TRIO: variants seen among roughly 807,000 people sequenced by gnomAD.
TRIO encodes the protein triple functional domain protein.
A neutral mutation model predicts 351.9 loss-of-function variants in TRIO; 58 were observed. The ratio of observed to expected loss-of-function variants is 0.16; its 90% confidence interval spans 0.13 to 0.21. The LOEUF (loss-of-function observed/expected upper bound fraction) is 0.21, where lower values mean the gene tolerates loss of function less well. TRIO is among the 10% of genes least tolerant of loss of function. The pLI is 1.00. For missense variants in TRIO, 3,201 were observed against 4,027.8 expected, an observed-to-expected ratio of 0.79 and a Z score of 5.56; for synonymous variants, 1,758 against 1,595.7, an observed-to-expected ratio of 1.10 and a Z score of -2.42.
At chr5:14,375,157 A>G (rs1029289797) in intron 19 of TRIO, among the ~76,000 whole-genome samples, 1 of 152,228 alleles carries the variant, frequency 6.6e-6, no homozygotes, top group African/African-American at 2.4e-5. Flanking sequence ...ATAATTCTCT[A>G]AGTTCTTTCA....
chr5:14,286,979 C>T lies in TRIO; in HGVS notation c.456C>T (p.Cys152=), dbSNP rs762736163. The T allele has an allele frequency of 1.9e-6, 3 of 1,614,226 alleles. No individual in the cohort carries two copies. Among genetic ancestry groups the T allele is most frequent in the South Asian group, 1.1e-5 (1 of 91,078 alleles). ...LKILQESFPC[C]IHVALIIKPD... is the part of the protein sequence containing the mutation. ...TCCTGCAGGAGTCCTTCCCCTGCTG[C>T]ATCCATGTGGCCCTGATCATCAAGC... The change falls in exon 4 of 57, where the codon TGC becomes TGT. Residue 152 remains cysteine, a synonymous_variant. Coordinates refer to ENST00000344204, the MANE Select transcript of TRIO (RefSeq NM_007118.4). This position sits in a 1 kb window ranked among gnomAD's most constrained non-coding sequence, Gnocchi z 4.4.
intron 1 of TRIO, among the ~76,000 whole-genome samples, chr5:14,149,128 C>G (rs188001269): frequency 6.6e-6 from 1 of 152,132 alleles, no homozygotes; most frequent in African/African-American, 2.4e-5. Flanking sequence ...CAGAGGCTTG[C>G]GGGGCCCTGC....
At chr5:14,420,687 T>G (rs1163760399) in intron 34 of TRIO, 1 of 152,900 alleles carries the variant, frequency 6.5e-6, no homozygotes, top group African/African-American at 2.4e-5. Flanking sequence ...TTTAGAGATC[T>G]GAGCCATGCT....
chr5:14,179,617 T>A (rs554229755), intron 1 of TRIO, among the ~76,000 whole-genome samples: 21 of 152,072 alleles, frequency 1.4e-4, no homozygotes, highest in African/African-American at 2.7e-4. Context: ...TTTGATTTTT[T>A]TTTTTTCTTT....
At chr5:14,348,306 A>G (rs954406130) in intron 11 of TRIO, among the ~76,000 whole-genome samples, 1 of 152,260 alleles carries the variant, frequency 6.6e-6, no homozygotes. Context: ...AACAGATTAC[A>G]CTGGTTATTT....
chr5:14,162,195 A>T (rs1561150345), intron 1 of TRIO, among the ~76,000 whole-genome samples: 1 of 152,184 alleles, frequency 6.6e-6, no homozygotes, highest in South Asian at 2.1e-4. Flanking sequence ...CAGTCCCTTT[A>T]TGATGAGGAT....
At chr5:14,247,025 T>C (rs1441202815) in intron 1 of TRIO, among the ~76,000 whole-genome samples, 1 of 152,202 alleles carries the variant, frequency 6.6e-6, no homozygotes, top group African/African-American at 2.4e-5. Flanking sequence ...ATGTGTGTCC[T>C]CCCAAACTAC....
At chr5:14,477,067 A>G (rs571864325) in intron 41 of TRIO, 104 bp downstream of exon 41, 6 of 963,820 alleles carry the variant, frequency 6.2e-6, no homozygotes, top group South Asian at 3.3e-5. Context: ...GTAAGTGCGT[A>G]TGTTTAAGAT....
intron 33 of TRIO, among the ~76,000 whole-genome samples, chr5:14,409,115 T>C (rs1020382637): frequency 6.6e-6 from 1 of 152,042 alleles, no homozygotes; most frequent in Non-Finnish European, 1.5e-5. Flanking sequence ...ATCTCCTGCG[T>C]GTGGAGAATT....
intron 48 of TRIO, chr5:14,489,287 A>G (rs886880088): frequency 6.9e-6 from 3 of 434,868 alleles, no homozygotes; most frequent in Admixed American, 3.7e-5. Context: ...TTAAACTTTA[A>G]TTGGGGAAGA....
intron 1 of TRIO, among the ~76,000 whole-genome samples, chr5:14,247,280 A>G (rs1794494884): frequency 1.3e-5 from 2 of 152,248 alleles, no homozygotes; most frequent in Admixed American, 6.5e-5. Context: ...GGATGCTGTA[A>G]TCCATTGTTG....
intron 28 of TRIO, among the ~76,000 whole-genome samples, 189 bp downstream of exon 28, chr5:14,394,319 T>C (rs1287214446): frequency 2.0e-5 from 3 of 152,210 alleles, no homozygotes; most frequent in African/African-American, 7.2e-5. Context: ...GTGTGTGTCA[T>C]GATTATGCGT....
Position 14,461,226 on chromosome 5 carries a change from G to A in TRIO, c.5411G>A (p.Arg1804His). The stretch of plus-strand genomic sequence containing the variant: ...CTGGCGCACAAGCACAAGAAGAGCC[G>A]CGAGGTCCGCAAGAGCGCCGACGCC... ...KKLAHKHKKS[R>H]EVRKSADAGS... Residue 1804 changes from arginine (R) to histidine (H), a missense_variant, in exon 35 of 57, where the codon CGC (arginine) becomes CAC (histidine). Arg to His is a conservative substitution (Grantham distance 29, BLOSUM62 0). This residue lies in a region of TRIO where 193 missense variants were observed against 218.8 expected (regional missense o/e 0.88). Coordinates refer to ENST00000344204, the MANE Select transcript of TRIO (RefSeq NM_007118.4). The A allele has an allele frequency of 6.3e-7, 1 of 1,579,588 alleles. No homozygotes were observed.
chr5:14,203,734 C>T (rs1791283406), intron 1 of TRIO, among the ~76,000 whole-genome samples: 1 of 152,148 alleles, frequency 6.6e-6, no homozygotes, highest in African/African-American at 2.4e-5. Context: ...TACAAGGGGG[C>T]CTCGCTCCCC....
At chr5:14,181,714 G>A (rs1238559373) in intron 1 of TRIO, among the ~76,000 whole-genome samples, 1 of 152,196 alleles carries the variant, frequency 6.6e-6, no homozygotes, top group Non-Finnish European at 1.5e-5. Context: ...AGAGACCAAT[G>A]TCAGGGGTCT....
chr5:14,341,551 A>G (rs571058799), intron 11 of TRIO, among the ~76,000 whole-genome samples: 1 of 152,354 alleles, frequency 6.6e-6, no homozygotes, highest in South Asian at 2.1e-4. Context: ...TATTTCTAGC[A>G]TATTATTCTG....
intron 1 of TRIO, among the ~76,000 whole-genome samples, chr5:14,214,613 A>G (rs1792113118): frequency 6.6e-6 from 1 of 152,244 alleles, no homozygotes; most frequent in Non-Finnish European, 1.5e-5. Context: ...CAAAGTTTGA[A>G]AGAACATAGC....
chr5:14,184,635 A>C (rs1789995153), intron 1 of TRIO, among the ~76,000 whole-genome samples: 1 of 152,238 alleles, frequency 6.6e-6, no homozygotes, highest in African/African-American at 2.4e-5. Context: ...GAAAGAGCGC[A>C]TCTCAGCATC....
chr5:14,507,450 C>A (rs1406715567), intron 56 of TRIO, among the ~76,000 whole-genome samples, 190 bp downstream of exon 56: 3 of 152,180 alleles, frequency 2.0e-5, no homozygotes, highest in Non-Finnish European at 2.9e-5. Flanking sequence ...TGCACACGGT[C>A]AGGAGCACAC....
Sources: allele counts gnomAD v4.1 joint callset (sites outside exome capture counted in the v4.1 genomes callset), GRCh38; gene constraint gnomAD v4.1.1; regional missense constraint gnomAD v4.1.1; non-coding constraint Gnocchi (gnomAD v3.1); transcripts MANE v1.5; gene names NCBI Gene and HGNC (gene_info 2026-07-23, HGNC 2026-07-21).